Variants in OCRL observed in about 807,000 individuals in gnomAD.
OCRL encodes the protein OCRL inositol polyphosphate-5-phosphatase.
A neutral mutation model predicts 78.9 loss-of-function variants in OCRL; 8 were observed. The ratio of observed to expected loss-of-function variants is 0.10; its 90% CI spans 0.06 to 0.18. OCRL has a LOEUF of 0.18. OCRL is among the 10% of genes least tolerant of loss of function. The pLI, the probability that OCRL is intolerant of heterozygous loss-of-function variation, is 1.00. For missense variants in OCRL, 454 were observed against 696.7 expected, an observed-to-expected ratio of 0.65 and a Z score of 3.92; for synonymous variants, 240 against 235.4, an observed-to-expected ratio of 1.02 and a Z score of -0.18.
intron 14 of OCRL, 97 bp from the exon 15 acceptor site, chrX:129,569,167 A>C: frequency 1.0e-6 from 1 of 960,533 alleles, no homozygotes; most frequent in East Asian, 3.1e-5. Context: ...CTTTGGGAGC[A>C]TGTAACAAGA....
chrX:129,567,983 G>A lies in OCRL; in HGVS notation c.1466+620G>A, dbSNP rs939494736. Among the ~76,000 whole-genome samples the A allele has an allele frequency of 6.8e-5, 7 of 102,895 alleles. No individual in the cohort carries two copies. The East Asian group carries it at 1.6e-3, about 23-fold the overall frequency. 89.4% of individuals were successfully genotyped at this position (102,895 alleles called of 115,157 possible). ...CTGCGGACTGCAGTGGCGCAATCTC[G>A]GCGCACTGCAAGCTCCGCTTCCCGG... On this transcript the variant is annotated intron_variant, in intron 14 of 23. Transcript: ENST00000371113.
intron 2 of OCRL, among the ~76,000 whole-genome samples, chrX:129,543,942 T>C (rs1347244839): frequency 9.0e-6 from 1 of 111,570 alleles, no homozygotes; most frequent in Admixed American, 9.6e-5. Flanking sequence ...GGAGCTGAAA[T>C]CAGTGAGGGG....
intron 3 of OCRL, among the ~76,000 whole-genome samples, chrX:129,545,531 T>G (rs1320360302): frequency 8.9e-6 from 1 of 112,200 alleles, no homozygotes; most frequent in African/African-American, 3.2e-5. Context: ...ATAAGAAAAT[T>G]GACTCTGGGG....
chrX:129,545,976 A>C (rs1220834669), intron 3 of OCRL, among the ~76,000 whole-genome samples: 1 of 111,675 alleles, frequency 9.0e-6, no homozygotes, highest in East Asian at 2.8e-4. Context: ...GGCCTCCAAA[A>C]GTGCTGGGAT....
rs374186098 is a variant in OCRL, at chrX:129,563,885, C to A, written c.1244+1099C>A. ...CAAAATTGACAAATGGGATCTAATT[C>A]AACTAAAGAGCTTCTGCACAGCAAA... On this transcript the variant is annotated intron_variant, in intron 12 of 23. Transcript: ENST00000371113. Among the ~76,000 whole-genome samples the A allele has an allele frequency of 1.8e-4, 19 of 108,282 alleles. No individual in the cohort carries two copies. The South Asian group carries it at 6.5e-3, about 37-fold the overall frequency. The allele number at this position is 108,282 out of a possible 115,157, so 94.0% of individuals were successfully genotyped here.
chrX:129,554,823 G>A (rs1434897109), intron 4 of OCRL, among the ~76,000 whole-genome samples: 1 of 109,204 alleles, frequency 9.2e-6, no homozygotes, highest in African/African-American at 3.3e-5. Context: ...GTGGTCGTGC[G>A]TGCCTGTAAT....
intron 18 of OCRL, among the ~76,000 whole-genome samples, chrX:129,578,575 A>C (rs944500616): frequency 9.1e-6 from 1 of 109,991 alleles, no homozygotes; most frequent in African/African-American, 3.3e-5. Flanking sequence ...AATATGAAAA[A>C]CTGCAAAGCC....
chrX:129,564,885 A>G (rs1215124126), intron 12 of OCRL, among the ~76,000 whole-genome samples: 1 of 111,510 alleles, frequency 9.0e-6, no homozygotes, highest in Non-Finnish European at 1.9e-5. Context: ...AAAATTTAAA[A>G]AATTAATATA....
chrX:129,558,469 G>A (rs1398747852), intron 6 of OCRL, among the ~76,000 whole-genome samples, 164 bp from the exon 7 acceptor site: 1 of 111,891 alleles, frequency 8.9e-6, no homozygotes, highest in Non-Finnish European at 1.9e-5. Context: ...TTCAGGGATA[G>A]GTATGCTTCT....
intron 20 of OCRL, among the ~76,000 whole-genome samples, chrX:129,587,656 G>A (rs999814229): frequency 2.7e-5 from 3 of 110,329 alleles, no homozygotes; most frequent in East Asian, 2.9e-4. Context: ...ATGAGCATGC[G>A]ATTTCCTCCT....
intron 10 of OCRL, among the ~76,000 whole-genome samples, chrX:129,562,070 G>A (rs1482262444): frequency 8.9e-6 from 1 of 111,970 alleles, no homozygotes; most frequent in Non-Finnish European, 1.9e-5. Context: ...AACAAGCTGG[G>A]ATAGTGGCTT....
chrX:129,583,540 G>A (rs1936471516), intron 18 of OCRL, among the ~76,000 whole-genome samples: 1 of 111,860 alleles, frequency 8.9e-6, no homozygotes, highest in South Asian at 3.7e-4. Context: ...CTTTGCACAT[G>A]TGTACAGATT....
rs113252586 is a variant in OCRL, at chrX:129,576,408, C to T, written c.1971C>T (p.Leu657=). 1.5e-5 allele frequency: 18 copies of T among 1,208,554 alleles called. No individual in the cohort carries two copies. Among genetic ancestry groups the T allele is most frequent in the Admixed American group, 6.6e-5 (3 of 45,750 alleles). The change falls in exon 18 of 24, where the codon CTC becomes CTT. Residue 657 remains leucine (L), a synonymous_variant. Coordinates refer to ENST00000371113, the MANE Select transcript of OCRL (RefSeq NM_000276.4). ...NSGEDKIEDI[L]VLHLDRGKDY... ...GAGAAGATAAGATTGAAGATATTCT[C>T]GTCCTTCACCTGGATCGAGGCAAAG...
intron 16 of OCRL, chrX:129,575,589 A>G: frequency 2.6e-6 from 1 of 388,922 alleles, no homozygotes; most frequent in African/African-American, 2.5e-5. Flanking sequence ...GTTAATTTAT[A>G]TCTCAGAAAC....
chrX:129,549,202 C>T (rs1346285801), intron 4 of OCRL, among the ~76,000 whole-genome samples: 1 of 112,078 alleles, frequency 8.9e-6, no homozygotes, highest in Non-Finnish European at 1.9e-5. Context: ...TCCATTCTCT[C>T]ATTTTTATCT....
chrX:129,548,441 AT>A, intron 3 of OCRL, 121 bp from the exon 4 acceptor site: 1 of 554,426 alleles, frequency 1.8e-6, no homozygotes, highest in South Asian at 2.7e-5. Context: ...TTAAAAAAAT[AT>A]GTTCTAAGAC....
intron 14 of OCRL, 112 bp from the exon 15 acceptor site, chrX:129,569,152 C>T (rs1315283442): frequency 2.6e-5 from 23 of 877,681 alleles, no homozygotes; most frequent in African/African-American, 1.8e-4. Context: ...GAGAAGTACA[C>T]GGTTCTTTGG....
chrX:129,583,039 G>C (rs767982929), intron 18 of OCRL, among the ~76,000 whole-genome samples: 3 of 111,890 alleles, frequency 2.7e-5, no homozygotes, highest in Admixed American at 9.5e-5. Context: ...GAGGAACTTT[G>C]AGGAACCCAG....
In OCRL at chrX:129,590,675, C is replaced by T. The variant is rs1209006444; in HGVS notation, c.*405C>T. ...CTGTAGCTGAGACTTGTCTAGAGTC[C>T]TTTGTTTTGCACTTTTGACCCACCC... On this transcript the variant is annotated 3_prime_UTR_variant, in exon 24 of 24. Coordinates refer to ENST00000371113, the MANE Select transcript of OCRL (RefSeq NM_000276.4). The T allele has an allele frequency of 4.9e-6, 1 of 203,958 alleles. No individual in the cohort carries two copies. The highest frequency in any genetic ancestry group is 3.0e-5 in the African/African-American group (1 of 33,301). The allele number at this position is 203,958 out of a possible 1,213,427, so 16.8% of individuals were successfully genotyped here.
Sources: gnomAD v4.1 joint callset for allele counts (sites outside exome capture counted in the v4.1 genomes callset) on GRCh38, gnomAD v4.1.1 for gene constraint, MANE v1.5 for transcripts, NCBI Gene and HGNC (gene_info 2026-07-23, HGNC 2026-07-21) for gene names.